XRCC4: variants seen among roughly 807,000 people sequenced by gnomAD.
XRCC4 encodes the protein DNA repair protein XRCC4.
Under a neutral mutation model 39.1 loss-of-function variants are expected in XRCC4, and 28 were observed. The ratio of observed to expected loss-of-function variants is 0.72; its 90% CI spans 0.53 to 0.98. The LOEUF (loss-of-function observed/expected upper bound fraction) is 0.98. Ranked by LOEUF, XRCC4 falls within the 50% of genes least tolerant of loss-of-function variation. The pLI is 0.00. For missense variants in XRCC4, 350 were observed against 376.4 expected (o/e 0.93, Z 0.58); for synonymous variants, 123 against 126.4 (o/e 0.97, Z 0.18).
chr5:83,361,431 AC>A, the XRCC4 span, among the ~76,000 whole-genome samples: 1 of 152,046 alleles, frequency 6.6e-6, no homozygotes, highest in Non-Finnish European at 1.5e-5. Context: ...TGTTTTGACA[AC>A]CCTTACTTTC....
chr5:83,161,959 A>T (rs1749233416), intron 3 of XRCC4, among the ~76,000 whole-genome samples: 1 of 152,098 alleles, frequency 6.6e-6, no homozygotes, highest in Non-Finnish European at 1.5e-5. Context: ...AGGTCAGGAG[A>T]TTGAGACCAT....
intron 3 of XRCC4, among the ~76,000 whole-genome samples, chr5:83,178,663 G>A (rs1205983957): frequency 6.6e-6 from 1 of 152,108 alleles, no homozygotes. Context: ...AGTAAAGGGG[G>A]ATTAAGGGAG....
intron 6 of XRCC4, among the ~76,000 whole-genome samples, chr5:83,236,870 A>G (rs934942382): frequency 9.9e-5 from 13 of 131,662 alleles, no homozygotes; most frequent in African/African-American, 3.4e-4. Flanking sequence ...CAATAGGTGA[A>G]AAAAAAAAAA....
At chr5:83,192,317 A>ATTTTTTTTT (rs1351413254) in intron 3 of XRCC4, among the ~76,000 whole-genome samples, 11 of 93,906 alleles carry the variant, frequency 1.2e-4, no homozygotes, top group African/African-American at 4.9e-4. Flanking sequence ...ATATATATAT[A>ATTTTTTTTT]TATTTTTTTG....
rs183915658 is a variant in XRCC4 at position 83,102,863 on chromosome 5, G to T, written c.-10-2047G>T. 3.5e-3 allele frequency among the ~76,000 whole-genome samples: 532 copies of T among 151,726 alleles called. 5 individuals are homozygous for T. The highest frequency in any genetic ancestry group is 0.019 in the South Asian group (92 of 4,802). The stretch of plus-strand genomic sequence containing the variant: ...TTCCTACTGACAAGCAAAGTGCTGT[G>T]GTAAGAAGAGCAGGTGGTGGATTTG... On this transcript the variant is annotated intron_variant, in intron 1 of 7. Coordinates refer to ENST00000396027, the MANE Select transcript of XRCC4 (RefSeq NM_003401.5).
intron 3 of XRCC4, among the ~76,000 whole-genome samples, chr5:83,127,407 A>G (rs1258807241): frequency 1.3e-5 from 2 of 151,922 alleles, no homozygotes; most frequent in Non-Finnish European, 2.9e-5. Context: ...GTCTCACGAG[A>G]TCTGATGCTT....
chr5:83,137,261 G>T (rs1747944671), intron 3 of XRCC4, among the ~76,000 whole-genome samples: 1 of 152,070 alleles, frequency 6.6e-6, no homozygotes, highest in African/African-American at 2.4e-5. Flanking sequence ...ATATATGAAT[G>T]AAGAACAGAA....
the XRCC4 span, among the ~76,000 whole-genome samples, chr5:83,373,510 C>A: frequency 2.0e-5 from 3 of 152,172 alleles, no homozygotes; most frequent in East Asian, 5.8e-4. Flanking sequence ...TCGTGTTTTC[C>A]AAAAACTCTT....
intron 2 of XRCC4, among the ~76,000 whole-genome samples, chr5:83,110,303 A>G (rs1746383003): frequency 6.6e-6 from 1 of 152,072 alleles, no homozygotes; most frequent in Non-Finnish European, 1.5e-5. Flanking sequence ...AAATACGTTT[A>G]TTTAAATATT....
chr5:83,278,620 T>C (rs1466759966), intron 7 of XRCC4, among the ~76,000 whole-genome samples: 1 of 152,192 alleles, frequency 6.6e-6, no homozygotes. Context: ...AGCCCCTTTT[T>C]TAACTGTACA....
At chr5:83,314,914 T>G (rs1279788257) in intron 7 of XRCC4, among the ~76,000 whole-genome samples, 1 of 152,096 alleles carries the variant, frequency 6.6e-6, no homozygotes, top group East Asian at 1.9e-4. Context: ...CAATGGCCTC[T>G]AAGTGTTCAG....
intron 6 of XRCC4, among the ~76,000 whole-genome samples, chr5:83,218,931 C>T (rs1269982272): frequency 7.1e-6 from 1 of 140,524 alleles, no homozygotes; most frequent in Non-Finnish European, 1.5e-5. Context: ...AGGGCTGCTG[C>T]TGTAACAAAG....
intron 1 of XRCC4, among the ~76,000 whole-genome samples, chr5:83,104,066 A>G (rs1746080103): frequency 6.6e-6 from 1 of 152,180 alleles, no homozygotes; most frequent in South Asian, 2.1e-4. Flanking sequence ...TAAATACAAA[A>G]CTTAAAGAAT....
intron 7 of XRCC4, among the ~76,000 whole-genome samples, chr5:83,305,323 C>A (rs550735861): frequency 5.1e-4 from 77 of 152,018 alleles, no homozygotes; most frequent in African/African-American, 1.7e-3. Context: ...ATCAATTTTA[C>A]AAGATGTTTA....
At chr5:83,303,867 A>G (rs981624829) in intron 7 of XRCC4, among the ~76,000 whole-genome samples, 1 of 152,186 alleles carries the variant, frequency 6.6e-6, no homozygotes, top group African/African-American at 2.4e-5. Context: ...ATATTTGTAG[A>G]TGCATGGCAA....
intron 3 of XRCC4, among the ~76,000 whole-genome samples, chr5:83,148,727 C>T (rs913707814): frequency 6.6e-6 from 1 of 152,040 alleles, no homozygotes; most frequent in Non-Finnish European, 1.5e-5. Flanking sequence ...GTATTAGGTG[C>T]TTCCCTTGAG....
In XRCC4 at chr5:83,345,546, A is replaced by G. The variant is rs1756893948; in HGVS notation, c.894-7585A>G. 2.0e-5 allele frequency among the ~76,000 whole-genome samples: 3 copies of G among 152,138 alleles called. No individual in the cohort carries two copies. In the South Asian group the frequency reaches 6.2e-4, roughly 31 times the overall value. On this transcript the variant is annotated intron_variant, in intron 7 of 7. Coordinates refer to ENST00000396027, the MANE Select transcript of XRCC4 (RefSeq NM_003401.5). ...AAACAAGCATGATTCTTCAAGTGTT[A>G]TGGCGCCATCAATCACTATTCATTT...
chr5:83,367,834 C>T, the XRCC4 span, among the ~76,000 whole-genome samples: 2 of 151,386 alleles, frequency 1.3e-5, no homozygotes, highest in Admixed American at 6.6e-5. Context: ...CTCAAGTGAT[C>T]CACCCACCTC....
At chr5:83,279,312 C>T (rs1182323253) in intron 7 of XRCC4, among the ~76,000 whole-genome samples, 2 of 151,596 alleles carry the variant, frequency 1.3e-5, no homozygotes, top group Admixed American at 6.6e-5. Context: ...AGAAATGTAG[C>T]TTAGCTCTGG....
Sources: allele counts gnomAD v4.1 joint callset (sites outside exome capture counted in the v4.1 genomes callset), GRCh38; gene constraint gnomAD v4.1.1; transcripts MANE v1.5; gene names NCBI Gene and HGNC (gene_info 2026-07-23, HGNC 2026-07-21).